The following PCDHA9 variants were observed in gnomAD, a reference collection of about 807,000 sequenced individuals.
PCDHA9 encodes the protein protocadherin alpha-9.
PCDHA9 carries 62 observed loss-of-function variants against 62.0 expected under a neutral mutation model. That is an observed-to-expected ratio of 1.00 (90% CI 0.81 to 1.23). The LOEUF (loss-of-function observed/expected upper bound fraction) is 1.23. Among genes scored for constraint, PCDHA9 ranks in the 50% most tolerant of loss-of-function variants. PCDHA9 has a pLI of 0.00. For missense variants in PCDHA9, 1,205 were observed against 1,249.8 expected, an observed-to-expected ratio of 0.96 and a Z score of 0.54; for synonymous variants, 557 against 567.6, an observed-to-expected ratio of 0.98 and a Z score of 0.27.
chr5:140,850,953 C>A (rs2150503765), intron 1 of PCDHA9, 64 bp downstream of exon 1: 2 of 1,483,986 alleles, frequency 1.3e-6, no homozygotes, highest in Non-Finnish European at 1.8e-6. Context: ...TTATCGATTA[C>A]TCCCAGGGGC....
intron 3 of PCDHA9, among the ~76,000 whole-genome samples, chr5:140,985,873 G>C (rs1210347898): frequency 1.3e-5 from 2 of 151,280 alleles, no homozygotes; most frequent in Non-Finnish European, 2.9e-5. Flanking sequence ...CTGAGTAGCT[G>C]GGACTACAGG....
chr5:140,916,161 GC>G (rs2077457967), intron 1 of PCDHA9, among the ~76,000 whole-genome samples: 1 of 152,084 alleles, frequency 6.6e-6, no homozygotes, highest in African/African-American at 2.4e-5. Flanking sequence ...GGTGAATGCT[GC>G]CAGGCCTGGG....
intron 1 of PCDHA9, among the ~76,000 whole-genome samples, chr5:140,908,126 C>T (rs573751399): frequency 1.6e-4 from 24 of 152,360 alleles, no homozygotes; most frequent in South Asian, 1.0e-3. Context: ...TTTCCCTTCA[C>T]TGCTGTCCTT....
chr5:140,979,882 A>C (rs1554241172), intron 2 of PCDHA9, among the ~76,000 whole-genome samples: 1 of 152,274 alleles, frequency 6.6e-6, no homozygotes, highest in Non-Finnish European at 1.5e-5. Context: ...TATCAAGTGA[A>C]TATTCACCAA....
chr5:140,871,506 A>G, intron 1 of PCDHA9: 11 of 1,580,864 alleles, frequency 7.0e-6, no homozygotes, highest in Non-Finnish European at 8.6e-6. Flanking sequence ...TGAGTTTTCT[A>G]CAGATTCCAC....
intron 1 of PCDHA9, chr5:140,883,864 G>A: frequency 6.2e-7 from 1 of 1,613,210 alleles, no homozygotes; most frequent in East Asian, 2.2e-5. Flanking sequence ...AGCTGTTGCA[G>A]TTCCAGGTGA....
At chr5:140,886,615 C>A (rs1032902050) in intron 1 of PCDHA9, among the ~76,000 whole-genome samples, 2 of 152,028 alleles carry the variant, frequency 1.3e-5, no homozygotes, top group Admixed American at 1.3e-4. Flanking sequence ...ATCAGGAGAT[C>A]AGGAGTCCGA....
chr5:140,887,387 C>T (rs959255749), intron 1 of PCDHA9, among the ~76,000 whole-genome samples: 8 of 152,106 alleles, frequency 5.3e-5, no homozygotes, highest in Non-Finnish European at 1.5e-5. Context: ...TGAGCCACCG[C>T]GCCCGGCTCT....
chr5:140,952,176 C>G (rs1300041660), intron 1 of PCDHA9, among the ~76,000 whole-genome samples: 1 of 152,058 alleles, frequency 6.6e-6, no homozygotes, highest in African/African-American at 2.4e-5. Flanking sequence ...GTTCCTGCAG[C>G]TGCTCTCATG....
chr5:140,947,290 T>G (rs1554218137), intron 1 of PCDHA9, among the ~76,000 whole-genome samples: 2 of 151,614 alleles, frequency 1.3e-5, no homozygotes, highest in Non-Finnish European at 3.0e-5. Context: ...TTTTATTGCA[T>G]TATCTTGACA....
Position 140,877,109 on chromosome 5 carries a change from G to A in PCDHA9, c.2394+26220G>A, listed in dbSNP as rs370191624. ...CGCGACGCCGGCGTGCCGCCTCTGG[G>A]CAGCAACGTGACGCTGCAGGTGTTC... is the stretch of plus-strand genomic sequence containing the variant. On this transcript the variant is annotated intron_variant, in intron 1 of 3. Transcript: ENST00000532602. The A allele has an allele frequency of 9.3e-6, 15 of 1,613,472 alleles. No individual in the cohort carries two copies. In the African/African-American group the frequency reaches 1.9e-4, roughly 20 times the overall value.
rs2150443379 is a variant in PCDHA9, at chr5:140,849,635, T to A, written c.1140T>A (p.Asp380Glu). Residue 380 changes from aspartate (D) to glutamate (E), a missense_variant, in exon 1 of 4, where the codon GAT (aspartate) becomes GAA (glutamate). Physicochemically the swap from Asp to Glu is conservative, Grantham distance 45. Around this residue, in one of 3 missense-constraint regions of PCDHA9, gnomAD observed 887 missense variants for 809.5 expected, o/e 1.10. Transcript: ENST00000532602. ...ALISVIDLDA[D>E]ANGQVTCSLT... ...TTAGTGTGATCGACCTAGACGCAGA[T>A]GCCAACGGGCAGGTTACCTGCTCCC... The A allele has an allele frequency of 6.3e-7, 1 of 1,598,758 alleles. No individual in the cohort carries two copies. The highest frequency in any genetic ancestry group is 1.1e-5 in the South Asian group (1 of 90,566).
chr5:140,972,660 A>AT (rs11350929), intron 1 of PCDHA9, among the ~76,000 whole-genome samples: 2,691 of 117,234 alleles, frequency 0.023, 50 homozygotes, highest in South Asian at 0.067. Context: ...AAGAAACCAA[A>AT]TTTTTTTTTT....
rs1299292999 is a variant in PCDHA9, at chr5:140,940,635, T to G, written c.2395-38314T>G. Among the ~76,000 whole-genome samples the G allele has an allele frequency of 5.3e-5, 8 of 152,214 alleles. 1 individual carries two copies. The highest frequency in any genetic ancestry group is 5.2e-4 in the Admixed American group (8 of 15,286). On this transcript the variant is annotated intron_variant, in intron 1 of 3. Coordinates refer to ENST00000532602, the MANE Select transcript of PCDHA9 (RefSeq NM_031857.2). ...GCTCCTGCAAATATTCTTAAGCTTG[T>G]CATTTATTTATTTAAATATATTAAA...
chr5:141,002,917 T>C (rs572461368), intron 3 of PCDHA9, among the ~76,000 whole-genome samples: 1 of 152,310 alleles, frequency 6.6e-6, no homozygotes, highest in East Asian at 1.9e-4. Context: ...ATCAGAAAAG[T>C]GAACACCCTC....
At chr5:140,880,123 C>T (rs1315267493) in intron 1 of PCDHA9, among the ~76,000 whole-genome samples, 3 of 152,118 alleles carry the variant, frequency 2.0e-5, no homozygotes, top group African/African-American at 7.2e-5. Flanking sequence ...CAACAGGAAG[C>T]TGAAATAAAG....
chr5:140,890,732 TTA>T (rs2062774217), intron 1 of PCDHA9, among the ~76,000 whole-genome samples: 1 of 152,238 alleles, frequency 6.6e-6, no homozygotes, highest in Admixed American at 6.5e-5. Context: ...CCCTTTTGAC[TTA>T]TATACTATTT....
intron 1 of PCDHA9, chr5:140,870,180 A>G: frequency 1.2e-6 from 2 of 1,614,112 alleles, no homozygotes; most frequent in Non-Finnish European, 8.5e-7. Context: ...TCCCAGTACG[A>G]GAGGACGCTC....
intron 3 of PCDHA9, among the ~76,000 whole-genome samples, chr5:140,996,757 G>A (rs2097743678): frequency 6.6e-6 from 1 of 152,014 alleles, no homozygotes; most frequent in South Asian, 2.1e-4. Context: ...TATCTGTGCA[G>A]GACTAAAATA....
Sources: gnomAD v4.1 joint callset for allele counts (sites outside exome capture counted in the v4.1 genomes callset) on GRCh38, gnomAD v4.1.1 for gene constraint, gnomAD v4.1.1 regional missense constraint, MANE v1.5 for transcripts, NCBI Gene and HGNC (gene_info 2026-07-23, HGNC 2026-07-21) for gene names.